The following ROBO1 variants were observed in gnomAD, a reference collection of about 807,000 sequenced individuals.
ROBO1 encodes the protein roundabout guidance receptor 1.
A neutral mutation model predicts 195.9 loss-of-function variants in ROBO1; 149 were observed. That is an observed-to-expected ratio of 0.76 (90% confidence interval 0.67 to 0.87). ROBO1 has a LOEUF of 0.87. ROBO1 is among the 40% of genes least tolerant of loss of function. The probability of loss-of-function intolerance (pLI) is 0.00; values close to 1 mark genes in which losing one functional copy is unlikely to be tolerated. For synonymous variants in ROBO1, 816 were observed against 733.2 expected (o/e 1.11, Z -1.82); for missense variants, 1,933 against 2,068.3 (o/e 0.93, Z 1.27).
At chr3:79,605,992 GTATA>G (rs141950454) in intron 1 of ROBO1, among the ~76,000 whole-genome samples, 8 of 145,180 alleles carry the variant, frequency 5.5e-5, no homozygotes, top group African/African-American at 1.3e-4. Flanking sequence ...ATGTGTGTGT[GTATA>G]TATATATATA....
chr3:79,710,489 G>A (rs182042031), intron 1 of ROBO1, among the ~76,000 whole-genome samples: 7 of 152,232 alleles, frequency 4.6e-5, no homozygotes, highest in Non-Finnish European at 7.4e-5. Context: ...GAAATGAAGT[G>A]AAATAAAGAT....
chr3:79,743,712 T>G (rs928091957), intron 1 of ROBO1, among the ~76,000 whole-genome samples: 12 of 152,204 alleles, frequency 7.9e-5, no homozygotes, highest in African/African-American at 2.9e-4. Flanking sequence ...CCTTAGTTTA[T>G]AAGCTTTTAT....
chr3:78,834,624 A>G (rs162423), intron 4 of ROBO1, among the ~76,000 whole-genome samples: 48,450 of 151,680 alleles, frequency 0.32, 7,920 homozygotes, highest in Non-Finnish European at 0.36. Flanking sequence ...AGACAAGCTA[A>G]TTTCTTTGAA....
At chr3:78,873,179 G>A (rs2035645217) in intron 4 of ROBO1, among the ~76,000 whole-genome samples, 2 of 152,114 alleles carry the variant, frequency 1.3e-5, no homozygotes, top group Admixed American at 6.6e-5. Flanking sequence ...AAAGGGTTAT[G>A]TTTAAGTCTC....
intron 2 of ROBO1, among the ~76,000 whole-genome samples, chr3:79,379,404 G>C (rs1052401044): frequency 6.6e-6 from 1 of 152,066 alleles, no homozygotes; most frequent in Non-Finnish European, 1.5e-5. Flanking sequence ...CTCAGTTTTG[G>C]TGTGATCCCT....
At position 78,636,028 on chromosome 3, in the gene ROBO1, C is replaced by T; in HGVS notation, c.3118G>A (p.Asp1040Asn). Residue 1040 changes from aspartate (D) to asparagine (N), a missense_variant, in exon 23 of 31, where the codon GAT becomes AAT. Physicochemically the swap from Asp to Asn is conservative, Grantham distance 23. Transcript: ENST00000464233. The part of the protein sequence containing the change: ...LMLPESTVYG[D>N]VDLSNKINEM... ...TTGATTTTGTTACTAAGGTCCACAT[C>T]ACCATAAACAGTTGACTCAGGGAGC... 6.2e-7 allele frequency: 1 copy of T among 1,613,834 alleles called. No homozygotes were observed. Among genetic ancestry groups the T allele is most frequent in the East Asian group, 2.2e-5 (1 of 44,850 alleles).
intron 8 of ROBO1, among the ~76,000 whole-genome samples, chr3:78,708,483 A>C (rs2081605060): frequency 6.6e-6 from 1 of 152,086 alleles, no homozygotes; most frequent in Admixed American, 6.5e-5. Flanking sequence ...TTTTCTTTTT[A>C]ATCATTTTAG....
chr3:78,715,929 A>G (rs2081891751), intron 7 of ROBO1, among the ~76,000 whole-genome samples: 1 of 152,170 alleles, frequency 6.6e-6, no homozygotes, highest in Non-Finnish European at 1.5e-5. Flanking sequence ...TTATTACACA[A>G]AGCCCCTCTT....
At chr3:79,739,669 T>C (rs913074486) in intron 1 of ROBO1, among the ~76,000 whole-genome samples, 28 of 152,084 alleles carry the variant, frequency 1.8e-4, no homozygotes, top group Non-Finnish European at 7.4e-5. Flanking sequence ...AGAAAGAAGC[T>C]AGGGAAAAGA....
chr3:78,990,808 C>A (rs1158729584), intron 3 of ROBO1, among the ~76,000 whole-genome samples: 2 of 152,074 alleles, frequency 1.3e-5, no homozygotes, highest in African/African-American at 2.4e-5. Context: ...TCAATAGTTG[C>A]TGAATGAGTG....
intron 4 of ROBO1, among the ~76,000 whole-genome samples, chr3:78,918,793 T>A (rs551101023): frequency 6.6e-6 from 1 of 152,106 alleles, no homozygotes; most frequent in East Asian, 1.9e-4. Flanking sequence ...GGAAACCTCA[T>A]GTAGAACACA....
chr3:78,786,380 A>G (rs962409704), intron 4 of ROBO1, among the ~76,000 whole-genome samples: 1 of 152,216 alleles, frequency 6.6e-6, no homozygotes, highest in Non-Finnish European at 1.5e-5. Context: ...ACACTCTTTT[A>G]AAATCATTAA....
At position 79,044,400 on chromosome 3, in the gene ROBO1, A is replaced by AT. The variant is rs1350031044; in HGVS notation, c.172+81055dup. Reference sequence around the variant, plus strand: ...ATCCATTCCTTGAAATATTTATCTCATTTAATTTAATAGCCAATGATAAAG... The same window carrying AT: ...ATCCATTCCTTGAAATATTTATCTCATTTTAATTTAATAGCCAATGATAAAG... On this transcript the variant is annotated intron_variant, in intron 3 of 30. Coordinates refer to ENST00000464233, the MANE Select transcript of ROBO1 (RefSeq NM_002941.4). 8.5e-5 allele frequency among the ~76,000 whole-genome samples: 13 copies of AT among 152,266 alleles called. No individual in the cohort carries two copies. The Middle Eastern group carries it at 0.017, about 199-fold the overall frequency.
At chr3:78,961,924 C>T (rs1458344314) in intron 3 of ROBO1, among the ~76,000 whole-genome samples, 2 of 151,202 alleles carry the variant, frequency 1.3e-5, no homozygotes, top group Non-Finnish European at 2.9e-5. Flanking sequence ...CTTCTAGGCC[C>T]ATGTTTTTTG....
chr3:79,050,886 A>G (rs1293949342), intron 3 of ROBO1, among the ~76,000 whole-genome samples: 2 of 152,210 alleles, frequency 1.3e-5, no homozygotes, highest in Admixed American at 6.5e-5. Flanking sequence ...AACATACCAG[A>G]ATCTCAGGGA....
chr3:79,041,862 T>C (rs973326854), intron 3 of ROBO1, among the ~76,000 whole-genome samples: 3 of 152,198 alleles, frequency 2.0e-5, no homozygotes, highest in African/African-American at 7.2e-5. Flanking sequence ...GGCCACATAT[T>C]CATGGCTATT....
rs1037600612 is a variant in ROBO1, at chr3:79,341,863, G to C, written c.89-216324C>G. Among the ~76,000 whole-genome samples the C allele has an allele frequency of 2.6e-5, 4 of 152,020 alleles. No individual in the cohort carries two copies. The East Asian group carries it at 7.7e-4, about 29-fold the overall frequency. On this transcript the variant is annotated intron_variant, in intron 2 of 30. Transcript: ENST00000464233. ...TTTTAATATTAGAGGCTTCTTTTGCGTTTTCTACACTTCTGAATCATAGTC... is the reference window on the plus strand; with the variant it reads ...TTTTAATATTAGAGGCTTCTTTTGCCTTTTCTACACTTCTGAATCATAGTC...
intron 27 of ROBO1, among the ~76,000 whole-genome samples, chr3:78,615,522 T>C (rs1704062458): frequency 1.3e-5 from 2 of 152,188 alleles, no homozygotes; most frequent in Non-Finnish European, 2.9e-5. Context: ...TAATTAGACA[T>C]GGCGTATTTC....
At chr3:79,033,901 C>A (rs970564355) in intron 3 of ROBO1, among the ~76,000 whole-genome samples, 3 of 152,128 alleles carry the variant, frequency 2.0e-5, no homozygotes, top group Non-Finnish European at 4.4e-5. Context: ...CCCACCGGCT[C>A]GACCTTCTTA....
Sources: allele counts gnomAD v4.1 joint callset (sites outside exome capture counted in the v4.1 genomes callset), GRCh38; gene constraint gnomAD v4.1.1; transcripts MANE v1.5; gene names NCBI Gene and HGNC (gene_info 2026-07-23, HGNC 2026-07-21).